NEGR1: variants seen among roughly 807,000 people sequenced by gnomAD.
The protein encoded by NEGR1 is neuronal growth regulator 1.
A neutral mutation model predicts 40.9 loss-of-function variants in NEGR1; 10 were observed. The ratio of observed to expected loss-of-function variants is 0.24; its 90% confidence interval spans 0.15 to 0.42. NEGR1 has a LOEUF of 0.42. Ranked by LOEUF, NEGR1 falls within the 10% of genes least tolerant of loss-of-function variation. The pLI, the probability that NEGR1 is intolerant of heterozygous loss-of-function variation, is 1.00. For synonymous variants in NEGR1, 185 were observed against 166.8 expected (o/e 1.11, Z -0.84); for missense variants, 352 against 438.9 (o/e 0.80, Z 1.77).
intron 6 of NEGR1, among the ~76,000 whole-genome samples, chr1:71,575,374 C>T (rs374584692): frequency 9.8e-5 from 15 of 152,316 alleles, no homozygotes; most frequent in Admixed American, 8.5e-4. Flanking sequence ...ATTGCCCTTC[C>T]AACCAACCAC....
At chr1:71,873,745 C>G (rs1660345927) in intron 2 of NEGR1, among the ~76,000 whole-genome samples, 2 of 152,086 alleles carry the variant, frequency 1.3e-5, no homozygotes, top group African/African-American at 4.8e-5. Context: ...ACCAGTGAGT[C>G]AAGCTGTAGT....
At chr1:71,945,368 C>G (rs2422058) in intron 1 of NEGR1, among the ~76,000 whole-genome samples, 80,076 of 151,942 alleles carry the variant, frequency 0.53, 22,095 homozygotes, top group East Asian at 0.67. Context: ...GGTTAACTTT[C>G]TGTTTGAAAA....
chr1:71,973,320 GAAAA>G (rs35734264), intron 1 of NEGR1, among the ~76,000 whole-genome samples: 2 of 101,662 alleles, frequency 2.0e-5, no homozygotes, highest in Non-Finnish European at 4.5e-5. Flanking sequence ...CAACTCAAAA[GAAAA>G]AAAAAAAAAA....
chr1:72,039,618 A>T (rs778206880), intron 1 of NEGR1, among the ~76,000 whole-genome samples: 1 of 152,032 alleles, frequency 6.6e-6, no homozygotes, highest in Non-Finnish European at 1.5e-5. Context: ...GGGATCAAGA[A>T]GATGTTGGAG....
At chr1:71,474,517 T>TACACGCAC (rs1646805849) in intron 6 of NEGR1, among the ~76,000 whole-genome samples, 1 of 115,444 alleles carries the variant, frequency 8.7e-6, no homozygotes, top group Non-Finnish European at 1.7e-5. Flanking sequence ...CTACTAACAA[T>TACACGCAC]ACACACACAC....
rs72682709 is a variant in NEGR1, at chr1:72,119,826, T to C, written c.176+162493A>G. Reference sequence around the variant, plus strand: ...CAATAGTGTTGAGGTTGAAAAGTCCTAGAATATCTTCAAAGAAGGCTTCTC... The same window carrying C: ...CAATAGTGTTGAGGTTGAAAAGTCCCAGAATATCTTCAAAGAAGGCTTCTC... On this transcript the variant is annotated intron_variant, in intron 1 of 6. Coordinates refer to ENST00000357731, the MANE Select transcript of NEGR1 (RefSeq NM_173808.3). Among the ~76,000 whole-genome samples, 1,345 of 152,088 alleles carry C rather than the reference T, an allele frequency of 8.8e-3. 15 individuals carry two copies. The highest frequency in any genetic ancestry group is 0.015 in the Non-Finnish European group (1,019 of 67,938).
chr1:72,012,072 A>G (rs750171711), intron 1 of NEGR1, among the ~76,000 whole-genome samples: 7 of 152,142 alleles, frequency 4.6e-5, no homozygotes, highest in Admixed American at 6.6e-5. Context: ...AAAACTGTGG[A>G]CAGGTAGAAC....
intron 2 of NEGR1, among the ~76,000 whole-genome samples, chr1:71,805,356 A>C (rs532729548): frequency 5.9e-5 from 9 of 152,208 alleles, no homozygotes; most frequent in African/African-American, 2.2e-4. Context: ...TCACTAATAA[A>C]AACTTGCTGG....
chr1:71,864,522 T>C (rs1158503077), intron 2 of NEGR1, among the ~76,000 whole-genome samples: 2 of 152,192 alleles, frequency 1.3e-5, no homozygotes, highest in South Asian at 2.1e-4. Flanking sequence ...TCCTGATACA[T>C]TGATAAATGT....
intron 6 of NEGR1, among the ~76,000 whole-genome samples, chr1:71,537,203 C>T (rs1647540028): frequency 6.6e-6 from 1 of 151,608 alleles, no homozygotes; most frequent in African/African-American, 2.4e-5. Flanking sequence ...TCCCCTTTTA[C>T]AAATAAGATA....
intron 1 of NEGR1, among the ~76,000 whole-genome samples, chr1:72,098,663 T>C (rs373420790): frequency 1.3e-5 from 2 of 152,180 alleles, no homozygotes; most frequent in Admixed American, 1.3e-4. Context: ...CTATTTTGAG[T>C]ATCTACAAAG....
At chr1:71,508,860 G>T (rs1381504918) in intron 6 of NEGR1, among the ~76,000 whole-genome samples, 1 of 152,156 alleles carries the variant, frequency 6.6e-6, no homozygotes, top group Non-Finnish European at 1.5e-5. Flanking sequence ...GAACAATCCA[G>T]CCATTCTAAA....
intron 6 of NEGR1, among the ~76,000 whole-genome samples, chr1:71,538,017 C>T (rs1448204176): frequency 2.6e-5 from 4 of 151,574 alleles, no homozygotes; most frequent in African/African-American, 4.8e-5. Context: ...ATGACCTTAG[C>T]AAAGGGATAG....
intron 1 of NEGR1, among the ~76,000 whole-genome samples, chr1:72,090,913 T>C (rs1215480962): frequency 6.6e-6 from 1 of 152,208 alleles, no homozygotes; most frequent in African/African-American, 2.4e-5. Flanking sequence ...AATACCATAA[T>C]GTCTCCGAAA....
At chr1:71,446,038 CTAT>C (rs536812502) in intron 6 of NEGR1, among the ~76,000 whole-genome samples, 42 of 152,166 alleles carry the variant, frequency 2.8e-4, no homozygotes, top group Non-Finnish European at 5.1e-4. Flanking sequence ...ATGAAAACTA[CTAT>C]TGTTTTTAAA....
In NEGR1 at chr1:72,245,063, T is replaced by C. The variant is rs113051771; in HGVS notation, c.176+37256A>G. ...GAAACAAGAAGAGAGAGCATTGCCT[T>C]TTTTGACCTAAGACAGGACAACCGT... On this transcript the variant is annotated intron_variant, in intron 1 of 6. Transcript: ENST00000357731. 3.0e-3 allele frequency among the ~76,000 whole-genome samples: 456 copies of C among 152,122 alleles called. 3 individuals are homozygous for C. Among genetic ancestry groups the C allele is most frequent in the African/African-American group, 0.011 (437 of 41,532 alleles).
chr1:72,206,910 G>A (rs1211046075), intron 1 of NEGR1, among the ~76,000 whole-genome samples: 1 of 151,960 alleles, frequency 6.6e-6, no homozygotes, highest in African/African-American at 2.4e-5. Flanking sequence ...GGTATGAAAA[G>A]TAAGAGAACC....
At chr1:72,055,460 C>A (rs1007485156) in intron 1 of NEGR1, among the ~76,000 whole-genome samples, 6 of 150,958 alleles carry the variant, frequency 4.0e-5, no homozygotes, top group African/African-American at 1.5e-4. Context: ...TAAATGTGTT[C>A]TTTCCTTTGA....
chr1:71,634,145 G>A (rs909627988), intron 4 of NEGR1, among the ~76,000 whole-genome samples: 1 of 151,998 alleles, frequency 6.6e-6, no homozygotes, highest in Admixed American at 6.6e-5. Context: ...TTTAGGCCAC[G>A]TGGGATTTTT....
Sources: gnomAD v4.1 joint callset for allele counts (sites outside exome capture counted in the v4.1 genomes callset) on GRCh38, gnomAD v4.1.1 for gene constraint, MANE v1.5 for transcripts, NCBI Gene and HGNC (gene_info 2026-07-23, HGNC 2026-07-21) for gene names.